HDAC9: variants seen among roughly 807,000 people sequenced by gnomAD.
HDAC9 encodes histone deacetylase 9, also known as MEF-2 interacting transcription repressor (MITR) protein.
In HDAC9, 41 loss-of-function variants were observed where a neutral mutation model predicts 139.4. That is an observed-to-expected ratio of 0.29 (90% CI 0.23 to 0.38). HDAC9 has a LOEUF of 0.38. Ranked by LOEUF, HDAC9 falls within the 10% of genes least tolerant of loss-of-function variation. HDAC9 has a pLI of 1.00. For missense variants in HDAC9, 1,147 were observed against 1,297.0 expected, an observed-to-expected ratio of 0.88 and a Z score of 1.78; for synonymous variants, 517 against 476.2, an observed-to-expected ratio of 1.09 and a Z score of -1.12.
chr7:18,411,919 G>A (rs1267601915), intron 1 of HDAC9, among the ~76,000 whole-genome samples: 1 of 142,128 alleles, frequency 7.0e-6, no homozygotes, highest in Non-Finnish European at 1.5e-5. Flanking sequence ...TCCACCTCCC[G>A]GGTTCAGGTG....
chr7:18,716,990 C>CTTTTTTTT (rs528916567), intron 12 of HDAC9, among the ~76,000 whole-genome samples: 17 of 115,140 alleles, frequency 1.5e-4, no homozygotes, highest in East Asian at 2.6e-4. Context: ...CTCGTTAGCA[C>CTTTTTTTT]TTTTTTTTTT....
In HDAC9 at chr7:18,954,302, A is replaced by G. The variant is rs759587284; in HGVS notation, c.3022+72A>G. 3.9e-6 allele frequency: 4 copies of G among 1,027,072 alleles called. No homozygotes were observed. In the South Asian group the frequency reaches 5.8e-5, roughly 15 times the overall value. The allele number at this position is 1,027,072 out of a possible 1,614,324, so 63.6% of individuals were successfully genotyped here. A position where few individuals can be genotyped will look rare whatever the true frequency, so the allele number is the denominator to read the frequency against. ...CTAAAATTATATTGAAAATTATAGT[A>G]CAAAGAAACATTTATTTAGAGTTAT... On this transcript the variant is annotated intron_variant, in intron 24 of 25. Coordinates refer to ENST00000686413, the MANE Select transcript of HDAC9 (RefSeq NM_178425.4).
intron 1 of HDAC9, among the ~76,000 whole-genome samples, chr7:18,424,039 A>C (rs963429991): frequency 2.0e-5 from 3 of 152,214 alleles, no homozygotes; most frequent in Admixed American, 2.0e-4. Flanking sequence ...CATATCACCT[A>C]TAAATATGCA....
At chr7:18,899,702 A>G (rs1298452673) in intron 22 of HDAC9, among the ~76,000 whole-genome samples, 1 of 151,970 alleles carries the variant, frequency 6.6e-6, no homozygotes. Context: ...GAACTATTCA[A>G]TGTAATTTGT....
intron 22 of HDAC9, among the ~76,000 whole-genome samples, chr7:18,934,048 T>G (rs968679196): frequency 1.3e-5 from 2 of 152,140 alleles, no homozygotes; most frequent in Admixed American, 6.5e-5. Flanking sequence ...CACCTACATC[T>G]ATGTGGAACT....
chr7:18,558,037 C>G (rs1040479374), intron 2 of HDAC9, among the ~76,000 whole-genome samples: 2 of 151,984 alleles, frequency 1.3e-5, no homozygotes, highest in African/African-American at 4.8e-5. Context: ...CTTTGGGCCC[C>G]AAATACAGAA....
chr7:18,498,360 T>G (rs1218547385), intron 2 of HDAC9, among the ~76,000 whole-genome samples: 2 of 152,168 alleles, frequency 1.3e-5, no homozygotes, highest in African/African-American at 4.8e-5. Context: ...CCTGGTTTAA[T>G]TGGTATGGGG....
At chr7:18,470,308 C>T (rs1443836842) in intron 1 of HDAC9, among the ~76,000 whole-genome samples, 2 of 151,284 alleles carry the variant, frequency 1.3e-5, no homozygotes, top group East Asian at 1.9e-4. Context: ...GGGAGACCCC[C>T]AACTCTTAAA....
intron 1 of HDAC9, among the ~76,000 whole-genome samples, chr7:18,158,868 G>C (rs547715969): frequency 1.3e-5 from 2 of 152,334 alleles, no homozygotes; most frequent in Non-Finnish European, 2.9e-5. Context: ...GGTAAGCTGA[G>C]ACTGCAGGAT....
intron 2 of HDAC9, among the ~76,000 whole-genome samples, chr7:18,273,184 A>G (rs1796500810): frequency 6.7e-6 from 1 of 149,112 alleles, no homozygotes; most frequent in East Asian, 2.0e-4. Context: ...CTCCCACCTC[A>G]GCCTCCTGAG....
intron 1 of HDAC9, among the ~76,000 whole-genome samples, chr7:18,152,389 T>A (rs1158166769): frequency 6.6e-6 from 1 of 152,188 alleles, no homozygotes; most frequent in Non-Finnish European, 1.5e-5. Context: ...AAGTCAGGGT[T>A]CTTTTCCTTG....
At chr7:18,711,273 T>C (rs2129113371) in intron 12 of HDAC9, among the ~76,000 whole-genome samples, 1 of 152,318 alleles carries the variant, frequency 6.6e-6, no homozygotes, top group Admixed American at 6.5e-5. Flanking sequence ...ATCATATTGA[T>C]TCCACCTTCT....
At chr7:18,725,457 T>G (rs1363791998) in intron 12 of HDAC9, among the ~76,000 whole-genome samples, 1 of 49,788 alleles carries the variant, frequency 2.0e-5, no homozygotes, top group South Asian at 1.2e-3. Flanking sequence ...GCTGTAGAGA[T>G]TCTTCAAATT....
At chr7:18,452,399 A>T (rs1792955378) in intron 1 of HDAC9, among the ~76,000 whole-genome samples, 1 of 152,190 alleles carries the variant, frequency 6.6e-6, no homozygotes, top group African/African-American at 2.4e-5. Flanking sequence ...GTTGAGGCTC[A>T]TGTCTTCCAA....
intron 2 of HDAC9, among the ~76,000 whole-genome samples, chr7:18,274,862 T>C (rs1253188991): frequency 6.6e-6 from 1 of 152,200 alleles, no homozygotes; most frequent in Non-Finnish European, 1.5e-5. Flanking sequence ...CACAAAGACA[T>C]GCTTCAGAAT....
In HDAC9 at chr7:18,140,179, C is replaced by G. The variant is rs182171081; in HGVS notation, c.-96-22050C>G. Among the ~76,000 whole-genome samples the G allele has an allele frequency of 1.9e-3, 293 of 152,260 alleles. 6 individuals are homozygous for G. Among genetic ancestry groups the G allele is most frequent in the Non-Finnish European group, 4.9e-4 (33 of 68,014 alleles). On this transcript the variant is annotated intron_variant, in intron 1 of 12. Transcript: ENST00000417496. Reference sequence around the variant, plus strand: ...AATTCATATCTTCCCAAAATGAAATCTGCAAACATCCCGGGACCCTTCTAC... The same window carrying G: ...AATTCATATCTTCCCAAAATGAAATGTGCAAACATCCCGGGACCCTTCTAC...
chr7:18,336,629 A>G (rs781403929), intron 1 of HDAC9, among the ~76,000 whole-genome samples: 1 of 151,700 alleles, frequency 6.6e-6, no homozygotes, highest in Non-Finnish European at 1.5e-5. Context: ...CATGCTACAT[A>G]TTTCAAAAAG....
chr7:18,808,778 G>GA (rs1310155246), intron 17 of HDAC9, among the ~76,000 whole-genome samples: 2 of 150,598 alleles, frequency 1.3e-5, no homozygotes, highest in African/African-American at 2.4e-5. Context: ...CACAGAAAGA[G>GA]AAAAAAAATC....
chr7:18,781,498 G>A (rs916528367), intron 16 of HDAC9, among the ~76,000 whole-genome samples: 224 of 152,136 alleles, frequency 1.5e-3, no homozygotes, highest in African/African-American at 5.1e-3. Context: ...CCTAGTAGGT[G>A]CCCCAATCTT....
Sources: allele counts gnomAD v4.1 joint callset (sites outside exome capture counted in the v4.1 genomes callset), GRCh38; gene constraint gnomAD v4.1.1; transcripts MANE v1.5; gene names NCBI Gene and HGNC (gene_info 2026-07-23, HGNC 2026-07-21).